KCNIP4: variants seen among roughly 807,000 people sequenced by gnomAD.
The protein encoded by KCNIP4 is potassium voltage-gated channel interacting protein 4, also known as Kv channel-interacting protein 4.
Under a neutral mutation model 34.0 loss-of-function variants are expected in KCNIP4, and 12 were observed. That is an observed-to-expected ratio of 0.35 (90% CI 0.23 to 0.57). The LOEUF (loss-of-function observed/expected upper bound fraction) is 0.57, where lower values mean the gene tolerates loss of function less well. Ranked by LOEUF, KCNIP4 falls within the 20% of genes least tolerant of loss-of-function variation. The probability of loss-of-function intolerance (pLI) is 0.83; values close to 1 mark genes in which losing one functional copy is unlikely to be tolerated. For missense variants in KCNIP4, 238 were observed against 311.7 expected (o/e 0.76, Z 1.78); for synonymous variants, 124 against 102.2 (o/e 1.21, Z -1.29).
intron 1 of KCNIP4, among the ~76,000 whole-genome samples, chr4:21,350,624 C>T (rs898970239): frequency 6.6e-6 from 1 of 152,158 alleles, no homozygotes; most frequent in Admixed American, 6.6e-5. Flanking sequence ...GGTGAAGCAT[C>T]CCCAGTGGCC....
intron 1 of KCNIP4, among the ~76,000 whole-genome samples, chr4:21,356,214 A>T (rs1213624276): frequency 6.6e-6 from 1 of 152,196 alleles, no homozygotes; most frequent in Non-Finnish European, 1.5e-5. Flanking sequence ...AGCAAATATC[A>T]TACTGAATGG....
chr4:21,370,788 G>A (rs1720273607), intron 1 of KCNIP4, among the ~76,000 whole-genome samples: 1 of 92,236 alleles, frequency 1.1e-5, no homozygotes, highest in African/African-American at 5.4e-5. Context: ...CAGACAGGAG[G>A]TCATGGATTG....
At chr4:21,153,140 G>A (rs1244258973) in intron 1 of KCNIP4, among the ~76,000 whole-genome samples, 1 of 152,088 alleles carries the variant, frequency 6.6e-6, no homozygotes, top group East Asian at 1.9e-4. Context: ...TGTATGCACA[G>A]GCTAGACTCC....
intron 8 of KCNIP4, 39 bp from the exon 9 acceptor site, chr4:20,730,168 T>C (rs370471191): frequency 1.3e-6 from 2 of 1,583,624 alleles, no homozygotes; most frequent in Non-Finnish European, 8.6e-7. Context: ...ATTCAGCATA[T>C]CTGCAAGGAA....
At chr4:21,031,458 C>T (rs919872133) in intron 1 of KCNIP4, among the ~76,000 whole-genome samples, 4 of 152,170 alleles carry the variant, frequency 2.6e-5, no homozygotes, top group African/African-American at 9.7e-5. Context: ...TGTTTGATTG[C>T]TATCTTTTAC....
chr4:21,463,396 C>T (rs1729646208), intron 1 of KCNIP4, among the ~76,000 whole-genome samples: 1 of 151,770 alleles, frequency 6.6e-6, no homozygotes, highest in Non-Finnish European at 1.5e-5. Context: ...TGTTTGAGTT[C>T]TCTTTTCTCT....
chr4:21,612,036 TA>T (rs1256016853), intron 1 of KCNIP4, among the ~76,000 whole-genome samples: 1 of 152,222 alleles, frequency 6.6e-6, no homozygotes, highest in Non-Finnish European at 1.5e-5. Context: ...AGTGAAGACA[TA>T]ATTGTCTTTT....
At chr4:20,848,337 G>A (rs1172729099) in intron 3 of KCNIP4, among the ~76,000 whole-genome samples, 1 of 151,652 alleles carries the variant, frequency 6.6e-6, no homozygotes, top group Admixed American at 6.6e-5. Context: ...TAATTCACAA[G>A]GGGAAGAGAC....
intron 1 of KCNIP4, among the ~76,000 whole-genome samples, chr4:21,895,563 T>A (rs1292361201): frequency 1.3e-5 from 2 of 152,176 alleles, no homozygotes; most frequent in African/African-American, 4.8e-5. Context: ...AAGAATTAAA[T>A]AAGTCCACAC....
chr4:21,198,752 T>G (rs1756247801), intron 1 of KCNIP4, among the ~76,000 whole-genome samples: 1 of 152,158 alleles, frequency 6.6e-6, no homozygotes, highest in African/African-American at 2.4e-5. Flanking sequence ...CACTGTTATA[T>G]CTATCCTCTT....
At chr4:21,048,826 C>T (rs1260250142) in intron 1 of KCNIP4, among the ~76,000 whole-genome samples, 2 of 151,994 alleles carry the variant, frequency 1.3e-5, no homozygotes, top group Admixed American at 6.6e-5. Context: ...CACTTTCTTC[C>T]TAGTGGGGCC....
intron 1 of KCNIP4, among the ~76,000 whole-genome samples, chr4:21,614,757 G>A (rs773094065): frequency 2.0e-5 from 3 of 151,676 alleles, no homozygotes; most frequent in Non-Finnish European, 4.4e-5. Flanking sequence ...TTACAGACAC[G>A]CATTTTAAAA....
intron 1 of KCNIP4, among the ~76,000 whole-genome samples, chr4:21,088,489 A>C (rs1313048443): frequency 2.0e-5 from 3 of 152,176 alleles, no homozygotes; most frequent in African/African-American, 7.2e-5. Context: ...CAAGATATCA[A>C]CAAAAAGCAA....
At chr4:21,371,264 G>A (rs539641594) in intron 1 of KCNIP4, among the ~76,000 whole-genome samples, 7 of 146,222 alleles carry the variant, frequency 4.8e-5, no homozygotes, top group Non-Finnish European at 8.8e-5. Flanking sequence ...TGAGCTTTGA[G>A]GCATTTATGG....
At chr4:21,282,751 C>G (rs1762859926) in intron 1 of KCNIP4, among the ~76,000 whole-genome samples, 1 of 152,080 alleles carries the variant, frequency 6.6e-6, no homozygotes, top group Non-Finnish European at 1.5e-5. Context: ...TCCTTCATGC[C>G]TCTATGATAC....
chr4:21,695,279 T>C (rs1403888779), intron 1 of KCNIP4, among the ~76,000 whole-genome samples: 1 of 152,104 alleles, frequency 6.6e-6, no homozygotes, highest in Non-Finnish European at 1.5e-5. Context: ...TGGCTGGATA[T>C]CACAAAATTT....
chr4:21,236,825 T>A (rs1227334004), intron 1 of KCNIP4, among the ~76,000 whole-genome samples: 6 of 147,642 alleles, frequency 4.1e-5, no homozygotes, highest in Admixed American at 3.4e-4. Context: ...CTGACCAAGA[T>A]GGTGAAACCC....
At chr4:21,430,969 T>G (rs188471298) in intron 1 of KCNIP4, among the ~76,000 whole-genome samples, 2 of 151,896 alleles carry the variant, frequency 1.3e-5, no homozygotes, top group Non-Finnish European at 2.9e-5. Flanking sequence ...ACAGAAAAAC[T>G]TCAAACAAAA....
At chr4:21,273,188 T>A (rs543765525) in intron 1 of KCNIP4, among the ~76,000 whole-genome samples, 2 of 152,274 alleles carry the variant, frequency 1.3e-5, no homozygotes, top group African/African-American at 4.8e-5. Context: ...AAGAAATACA[T>A]GATCCCCTTG....
Sources: gnomAD v4.1 joint callset for allele counts (sites outside exome capture counted in the v4.1 genomes callset) on GRCh38, gnomAD v4.1.1 for gene constraint, MANE v1.5 for transcripts, NCBI Gene and HGNC (gene_info 2026-07-23, HGNC 2026-07-21) for gene names.